Variants in CCR9 observed in about 807,000 individuals in gnomAD.
CCR9 encodes C-C motif chemokine receptor 9, also known as C-C chemokine receptor type 9.
A neutral mutation model predicts 8.7 loss-of-function variants in CCR9; 4 were observed. The observed-to-expected ratio is 0.46, with a 90% CI of 0.23 to 1.06. The LOEUF is 1.06. CCR9 is among the 50% of genes least tolerant of loss of function. The pLI is 0.21. For synonymous variants in CCR9, 159 were observed against 168.8 expected (o/e 0.94, Z 0.45); for missense variants, 394 against 453.6 (o/e 0.87, Z 1.19).
intron 2 of CCR9, chr3:45,897,682 C>T (rs1702402300): frequency 1.1e-5 from 15 of 1,356,482 alleles, no homozygotes; most frequent in Non-Finnish European, 1.5e-5. Context: ...TGCCCCCTCT[C>T]ATTTGTTCCC....
At chr3:45,893,463 TTC>T (rs151197930) in intron 1 of CCR9, among the ~76,000 whole-genome samples, 6 of 151,150 alleles carry the variant, frequency 4.0e-5, no homozygotes, top group Non-Finnish European at 3.0e-5. Context: ...CCACCTCCCC[TTC>T]TCTCTCTCTC....
At chr3:45,888,040 C>A (rs182375701) in intron 1 of CCR9, among the ~76,000 whole-genome samples, 5 of 152,300 alleles carry the variant, frequency 3.3e-5, no homozygotes, top group East Asian at 3.9e-4. Flanking sequence ...TGCACAATAA[C>A]CCCATGCTGA....
At chr3:45,891,639 T>C (rs993985358) in intron 1 of CCR9, among the ~76,000 whole-genome samples, 4 of 152,128 alleles carry the variant, frequency 2.6e-5, no homozygotes, top group African/African-American at 4.8e-5. Context: ...TATCATCGAA[T>C]TCACAGCACC....
At chr3:45,897,264 G>A (rs541941925) in intron 2 of CCR9, among the ~76,000 whole-genome samples, 54 of 152,308 alleles carry the variant, frequency 3.5e-4, no homozygotes, top group African/African-American at 1.1e-3. Context: ...GATTCCTCTC[G>A]TGGTCCTGAC....
intron 1 of CCR9, among the ~76,000 whole-genome samples, chr3:45,893,448 C>T (rs1702254000): frequency 6.6e-6 from 1 of 152,198 alleles, no homozygotes; most frequent in African/African-American, 2.4e-5. Context: ...AGCCACCATG[C>T]CCAGCCACCT....
intron 1 of CCR9, among the ~76,000 whole-genome samples, chr3:45,887,242 C>CGT (rs1285056620): frequency 5.3e-4 from 66 of 125,544 alleles, no homozygotes; most frequent in Admixed American, 1.9e-3. Flanking sequence ...CTATTAAGTG[C>CGT]GTGTGTGTCT....
rs1219486966 is a variant in CCR9 at position 45,894,960 on chromosome 3, T to A, written c.21+6T>A. On this transcript the variant is annotated splice_donor_region_variant and intron_variant, in intron 2 of 2. Coordinates refer to ENST00000357632, the MANE Select transcript of CCR9 (RefSeq NM_031200.3). ...TGACACCCACAGACTTCACAGTGAGTACAGCCGTGCTCCTCTGGCTCCTCA... is the reference window on the plus strand; with the variant it reads ...TGACACCCACAGACTTCACAGTGAGAACAGCCGTGCTCCTCTGGCTCCTCA... 6.2e-7 allele frequency: 1 copy of A among 1,613,600 alleles called. No individual in the cohort carries two copies. The highest frequency in any genetic ancestry group is 8.5e-7 in the Non-Finnish European group (1 of 1,179,650).
chr3:45,897,414 C>A, intron 2 of CCR9: 4 of 638,670 alleles, frequency 6.3e-6, no homozygotes, highest in Admixed American at 2.5e-5. Flanking sequence ...AAAAACTATG[C>A]CCCCTGGGCT....
In CCR9 at chr3:45,902,294, G is replaced by A. The variant is rs202166025; in HGVS notation, c.*396G>A. 5.5e-6 allele frequency: 1 copy of A among 183,200 alleles called. No individual in the cohort carries two copies. The highest frequency in any genetic ancestry group is 2.4e-5 in the African/African-American group (1 of 42,046). The allele number at this position is 183,200 out of a possible 1,614,324, so 11.3% of individuals were successfully genotyped here. A position where few individuals can be genotyped will look rare whatever the true frequency, so the allele number is the denominator to read the frequency against. On this transcript the variant is annotated 3_prime_UTR_variant, in exon 3 of 3. Coordinates refer to ENST00000357632, the MANE Select transcript of CCR9 (RefSeq NM_031200.3). Reference sequence around the variant, plus strand: ...TCCAAAAGGGGACACAGAAGCACTGGCTGCTGCTACAGACCGCAAAAGCAG... The same window carrying A: ...TCCAAAAGGGGACACAGAAGCACTGACTGCTGCTACAGACCGCAAAAGCAG...
rs1702607532 is a variant in CCR9 at position 45,903,058 on chromosome 3, A to G, written c.*1160A>G. The G allele has an allele frequency of 6.0e-6, 1 of 167,122 alleles. No individual in the cohort carries two copies. 10.4% of individuals were successfully genotyped at this position (167,122 alleles called of 1,614,324 possible). A position where few individuals can be genotyped will look rare whatever the true frequency, so the allele number is the denominator to read the frequency against. ...GGCAAAATGCATCACCTTTGAAAAT[A>G]TTTCACATATTGGAAAAGTGCTTTT... is the stretch of plus-strand genomic sequence containing the variant. On this transcript the variant is annotated 3_prime_UTR_variant, in exon 3 of 3. Transcript: ENST00000357632.
intron 1 of CCR9, among the ~76,000 whole-genome samples, chr3:45,888,552 T>A (rs1399743820): frequency 1.3e-5 from 2 of 152,204 alleles, no homozygotes; most frequent in Non-Finnish European, 2.9e-5. Context: ...GTTCGATGGA[T>A]GGCCCATGGC....
chr3:45,897,520 C>A, intron 2 of CCR9: 1 of 1,363,932 alleles, frequency 7.3e-7, no homozygotes, highest in Non-Finnish European at 1.0e-6. Context: ...TCACCCAGGT[C>A]CTGGGATTTC....
intron 1 of CCR9, among the ~76,000 whole-genome samples, chr3:45,893,567 A>T (rs1702258320): frequency 6.6e-6 from 1 of 151,986 alleles, no homozygotes; most frequent in Admixed American, 6.5e-5. Flanking sequence ...TACAGTATGA[A>T]CTCCCTTTGG....
intron 1 of CCR9, among the ~76,000 whole-genome samples, chr3:45,888,815 T>C (rs930138805): frequency 3.3e-5 from 5 of 151,012 alleles, no homozygotes; most frequent in Admixed American, 6.6e-5. Context: ...GAGAAATAGA[T>C]GGCAAGGCTG....
chr3:45,899,414 A>G (rs1276408608), intron 2 of CCR9, among the ~76,000 whole-genome samples: 2 of 152,242 alleles, frequency 1.3e-5, no homozygotes, highest in Non-Finnish European at 2.9e-5. Flanking sequence ...TGCTATTTAA[A>G]TATAAACATT....
chr3:45,892,278 C>T (rs1229985080), intron 1 of CCR9, among the ~76,000 whole-genome samples: 1 of 152,148 alleles, frequency 6.6e-6, no homozygotes, highest in Middle Eastern at 3.2e-3. Flanking sequence ...CATTCCAACA[C>T]TATTCACAAT....
chr3:45,895,185 G>A, intron 2 of CCR9: 3 of 565,516 alleles, frequency 5.3e-6, no homozygotes, highest in Admixed American at 6.4e-5. Context: ...AGAGGAAAAT[G>A]TGGTGTTATA....
At chr3:45,898,610 G>A (rs1426605065) in intron 2 of CCR9, among the ~76,000 whole-genome samples, 1 of 152,178 alleles carries the variant, frequency 6.6e-6, no homozygotes, top group East Asian at 1.9e-4. Flanking sequence ...ATGGAGTCAG[G>A]ACTAGATGTC....
At position 45,901,671 on chromosome 3, in the gene CCR9, A is replaced by G; in HGVS notation, c.883A>G (p.Ile295Val). The change falls in exon 3 of 3, where the codon ATT becomes GTT. Residue 295 changes from isoleucine to valine, a missense_variant. Transcript: ENST00000357632. This position sits in a 1 kb window ranked among gnomAD's most constrained non-coding sequence, Gnocchi z 4.3. ...FISNCAVSTN[I>V]DICFQVTQTI... ...CTCCAACTGTGCCGTTTCCACCAACATTGACATCTGCTTCCAGGTCACCCA... is the reference window on the plus strand; with the variant it reads ...CTCCAACTGTGCCGTTTCCACCAACGTTGACATCTGCTTCCAGGTCACCCA... 6.2e-7 allele frequency: 1 copy of G among 1,613,972 alleles called. No homozygotes were observed. The highest frequency in any genetic ancestry group is 8.5e-7 in the Non-Finnish European group (1 of 1,179,822).
Sources: gnomAD v4.1 joint callset for allele counts (sites outside exome capture counted in the v4.1 genomes callset) on GRCh38, gnomAD v4.1.1 for gene constraint, Gnocchi (gnomAD v3.1) non-coding constraint, MANE v1.5 for transcripts, NCBI Gene and HGNC (gene_info 2026-07-23, HGNC 2026-07-21) for gene names.